Variants in ZNF281 observed in about 807,000 individuals in gnomAD.
ZNF281 encodes the protein zinc finger protein 281.
A neutral mutation model predicts 58.8 loss-of-function variants in ZNF281; 2 were observed. That is an observed-to-expected ratio of 0.03 (90% CI 0.01 to 0.11). The LOEUF is 0.11. ZNF281 is among the 10% of genes least tolerant of loss of function. ZNF281 has a pLI of 1.00. For synonymous variants in ZNF281, 465 were observed against 407.7 expected (o/e 1.14, Z -1.69); for missense variants, 975 against 1,090.7 (o/e 0.89, Z 1.49).
At position 200,409,442 on chromosome 1, in the gene ZNF281, A is replaced by C. The variant is rs1654552355; in HGVS notation, c.264T>G (p.Ala88=). ...LSSSTSAAPA[A]EPPPPPAPDM... ...CCGGGGCTGGCGGAGGGGGGGGCTC[A>C]GCGGCCGGGGCTGCGGAGGTAGAGG... The change falls in exon 2 of 2, where the codon GCT becomes GCG. Residue 88 remains alanine, a synonymous_variant. Coordinates refer to ENST00000367353, the MANE Select transcript of ZNF281 (RefSeq NM_001281293.2). The C allele has an allele frequency of 1.2e-5, 18 of 1,523,964 alleles. No individual in the cohort carries two copies. Among genetic ancestry groups the C allele is most frequent in the Non-Finnish European group, 1.6e-5 (18 of 1,132,364 alleles). 94.4% of individuals were successfully genotyped at this position (1,523,964 alleles called of 1,614,324 possible).
Position 200,409,270 on chromosome 1 carries a change from G to A in ZNF281, c.436C>T (p.His146Tyr). ...GCGAACAGCCCCCCATAGTGGTGGT[G>A]GTGATGGTGGTGGTGGGACTGCTGC... ...EEQQSHHHHH[H>Y]HHYGGLFAGA... The change falls in exon 2 of 2, where the codon CAC becomes TAC. Residue 146 changes from histidine (H) to tyrosine (Y), a missense_variant. Around this residue, in one of 3 missense-constraint regions of ZNF281, gnomAD observed 370 missense variants for 360.9 expected, o/e 1.03. Transcript: ENST00000367353. The A allele has an allele frequency of 1.2e-6, 2 of 1,613,244 alleles. No individual in the cohort carries two copies. Among genetic ancestry groups the A allele is most frequent in the Non-Finnish European group, 1.7e-6 (2 of 1,179,702 alleles).
Position 200,409,027 on chromosome 1 carries a change from C to G in ZNF281, c.679G>C (p.Glu227Gln), listed in dbSNP as rs748750461. 9.9e-6 allele frequency: 16 copies of G among 1,614,228 alleles called. No individual in the cohort carries two copies. The Admixed American group carries it at 2.7e-4, about 27-fold the overall frequency. Residue 227 changes from glutamate to glutamine, a missense_variant, in exon 2 of 2, where the codon GAA becomes CAA. Transcript: ENST00000367353. ...NVKKAKRPKP[E>Q]SQGIKAKRKP... ...CTCTTGGCTTTGATTCCCTGAGATT[C>G]TGGCTTTGGCCTTTTTGCCTTTTTG... is the stretch of plus-strand genomic sequence containing the variant.
intron 1 of ZNF281, 55 bp from the exon 2 acceptor site, chr1:200,409,778 C>T (rs1012462082): frequency 1.1e-5 from 16 of 1,516,520 alleles, no homozygotes; most frequent in Non-Finnish European, 1.2e-5. Flanking sequence ...GAACCGGGCC[C>T]CGGGCCGGGA....
rs2102480555 is a variant in ZNF281, at chr1:200,405,033, A to G, written c.*1985T>C. 1 of 152,760 alleles carries G rather than the reference A, an allele frequency of 6.5e-6. No homozygotes were observed. The highest frequency in any genetic ancestry group is 3.4e-3 in the Middle Eastern group (1 of 294). 9.5% of individuals were successfully genotyped at this position (152,760 alleles called of 1,614,324 possible). On this transcript the variant is annotated 3_prime_UTR_variant, in exon 2 of 2. Coordinates refer to ENST00000367353, the MANE Select transcript of ZNF281 (RefSeq NM_001281293.2). ...ATATGCAGTATTCAGTACACACAAT[A>G]AAAGTTAAAGAAATTCAAAACCTGT...
rs926817624 is a variant in ZNF281, at chr1:200,406,708, GTTTT to G, written c.*306_*309del. 56 of 195,080 alleles carry G rather than the reference GTTTT, an allele frequency of 2.9e-4. No individual in the cohort carries two copies. Among genetic ancestry groups the G allele is most frequent in the South Asian group, 1.6e-3 (9 of 5,560 alleles). The allele number at this position is 195,080 out of a possible 1,614,324, so 12.1% of individuals were successfully genotyped here. A position where few individuals can be genotyped will look rare whatever the true frequency, so the allele number is the denominator to read the frequency against. ...TTTTTTTGTAGGTTTTTTTTTTTTG[GTTTT>G]TTTTTGTCTTTTTTTTTGCGTTTAA... On this transcript the variant is annotated 3_prime_UTR_variant, in exon 2 of 2. Coordinates refer to ENST00000367353, the MANE Select transcript of ZNF281 (RefSeq NM_001281293.2).
rs776820169 is a variant in ZNF281 at position 200,407,540 on chromosome 1, T to C, written c.2166A>G (p.Gln722=). 1.2e-5 allele frequency: 20 copies of C among 1,614,140 alleles called. No homozygotes were observed. The highest frequency in any genetic ancestry group is 3.3e-4 in the Middle Eastern group (2 of 6,062). ...TTSPLECGFG[Q]SVTSVLPSSL... ...AAGATGGCAACACTGAGGTAACAGA[T>C]TGGCCGAAACCACACTCCAAAGGAG... is the stretch of plus-strand genomic sequence containing the variant. The change falls in exon 2 of 2, where the codon CAA becomes CAG. Residue 722 remains glutamine, a synonymous_variant. Transcript: ENST00000367353.
rs1654463725 is a variant in ZNF281 at position 200,406,840 on chromosome 1, AATC to A, written c.*175_*177del. 3.7e-6 allele frequency: 2 copies of A among 537,502 alleles called. No homozygotes were observed. Among genetic ancestry groups the A allele is most frequent in the East Asian group, 3.1e-5 (1 of 31,940 alleles). 33.3% of individuals were successfully genotyped at this position (537,502 alleles called of 1,614,324 possible). A position where few individuals can be genotyped will look rare whatever the true frequency, so the allele number is the denominator to read the frequency against. Reference sequence around the variant, plus strand: ...TTTTAATCTATTGATTTTGATTAAAAATCATAATACAAACAGAGCTAAAATCAC... The same window carrying A: ...TTTTAATCTATTGATTTTGATTAAAAATAATACAAACAGAGCTAAAATCAC... On this transcript the variant is annotated 3_prime_UTR_variant, in exon 2 of 2. Coordinates refer to ENST00000367353, the MANE Select transcript of ZNF281 (RefSeq NM_001281293.2).
chr1:200,409,481 T>C lies in ZNF281; in HGVS notation c.225A>G (p.Gln75=), dbSNP rs1654554669. The change falls in exon 2 of 2, where the codon CAA becomes CAG. Residue 75 remains glutamine, a synonymous_variant. Coordinates refer to ENST00000367353, the MANE Select transcript of ZNF281 (RefSeq NM_001281293.2). ...CGGAGGTAGAGGAGGATAACACGCA[T>C]TGCGGGGGAGGGGCGGCCGACCCCG... ...RPAGSAAPPP[Q]CVLSSSTSAA... 3.9e-6 allele frequency: 6 copies of C among 1,547,244 alleles called. No homozygotes were observed. The highest frequency in any genetic ancestry group is 2.7e-5 in the African/African-American group (2 of 72,932).
At position 200,407,255 on chromosome 1, in the gene ZNF281, C is replaced by G. The variant is rs1225670263; in HGVS notation, c.2451G>C (p.Gln817His). The G allele has an allele frequency of 1.9e-6, 3 of 1,614,214 alleles. No individual in the cohort carries two copies. Among genetic ancestry groups the G allele is most frequent in the South Asian group, 1.1e-5 (1 of 91,088 alleles). Reference sequence around the variant, plus strand: ...ACGTTGTTCTAGGCTCTATGTCTTTCTGAGGATCTATCTGGCTAGCTAACT... The same window carrying G: ...ACGTTGTTCTAGGCTCTATGTCTTTGTGAGGATCTATCTGGCTAGCTAACT... ...SQELASQIDP[Q>H]KDIEPRTTYQ... Residue 817 changes from glutamine to histidine, a missense_variant, in exon 2 of 2, where the codon CAG becomes CAC. By Grantham distance (24) the Gln-to-His change is conservative. Coordinates refer to ENST00000367353, the MANE Select transcript of ZNF281 (RefSeq NM_001281293.2).
At position 200,405,902 on chromosome 1, in the gene ZNF281, C is replaced by T. The variant is rs1654437223; in HGVS notation, c.*1116G>A. On this transcript the variant is annotated 3_prime_UTR_variant, in exon 2 of 2. Coordinates refer to ENST00000367353, the MANE Select transcript of ZNF281 (RefSeq NM_001281293.2). Reference sequence around the variant, plus strand: ...AAAGGTGGGTTTTGGGGATGTTTACCCTATTGTTTTTTATTTGGATGCCCT... The same window carrying T: ...AAAGGTGGGTTTTGGGGATGTTTACTCTATTGTTTTTTATTTGGATGCCCT... The T allele has an allele frequency of 6.6e-6, 1 of 150,496 alleles. No individual in the cohort carries two copies. Among genetic ancestry groups the T allele is most frequent in the African/African-American group, 2.4e-5 (1 of 40,834 alleles). The allele number at this position is 150,496 out of a possible 1,614,324, so 9.3% of individuals were successfully genotyped here. A position where few individuals can be genotyped will look rare whatever the true frequency, so the allele number is the denominator to read the frequency against.
At position 200,407,468 on chromosome 1, in the gene ZNF281, A is replaced by G. The variant is rs1654483729; in HGVS notation, c.2238T>C (p.Gly746=). ...TAGCATCCAAAGCAGACAAATAAAG[A>G]CCTGGCTGAGATCCAAACAACATCC... ...PFGMLFGSQP[G]LYLSALDATH... The change falls in exon 2 of 2, where the codon GGT becomes GGC. Residue 746 remains glycine, a synonymous_variant. Coordinates refer to ENST00000367353, the MANE Select transcript of ZNF281 (RefSeq NM_001281293.2). 2 of 1,614,184 alleles carry G rather than the reference A, an allele frequency of 1.2e-6. No individual in the cohort carries two copies. The highest frequency in any genetic ancestry group is 1.7e-5 in the Admixed American group (1 of 60,032).
At position 200,406,447 on chromosome 1, in the gene ZNF281, A is replaced by C. The variant is rs1654451878; in HGVS notation, c.*571T>G. The C allele has an allele frequency of 6.5e-6, 1 of 152,710 alleles. No individual in the cohort carries two copies. The highest frequency in any genetic ancestry group is 1.5e-5 in the Non-Finnish European group (1 of 68,078). 9.5% of individuals were successfully genotyped at this position (152,710 alleles called of 1,614,324 possible). A position where few individuals can be genotyped will look rare whatever the true frequency, so the allele number is the denominator to read the frequency against. Reference sequence around the variant, plus strand: ...CAATCTCAGAATTTTGGATCAGCCCAGATGGAGATAGCAATTTGAAATGTC... The same window carrying C: ...CAATCTCAGAATTTTGGATCAGCCCCGATGGAGATAGCAATTTGAAATGTC... On this transcript the variant is annotated 3_prime_UTR_variant, in exon 2 of 2. Coordinates refer to ENST00000367353, the MANE Select transcript of ZNF281 (RefSeq NM_001281293.2).
Position 200,405,578 on chromosome 1 carries a change from T to C in ZNF281, c.*1440A>G, listed in dbSNP as rs1002330481. The stretch of plus-strand genomic sequence containing the variant: ...ATAATCAGGAAAAAAATACAATTGC[T>C]AAAAAGCAGTTTTAGAGTAGAGCCA... On this transcript the variant is annotated 3_prime_UTR_variant, in exon 2 of 2. Coordinates refer to ENST00000367353, the MANE Select transcript of ZNF281 (RefSeq NM_001281293.2). The C allele has an allele frequency of 1.3e-5, 2 of 152,178 alleles. No individual in the cohort carries two copies. The highest frequency in any genetic ancestry group is 1.3e-4 in the Admixed American group (2 of 15,282). The allele number at this position is 152,178 out of a possible 1,614,324, so 9.4% of individuals were successfully genotyped here.
Position 200,409,355 on chromosome 1 carries a change from G to A in ZNF281, c.351C>T (p.Ser117=). 6.5e-7 allele frequency: 1 copy of A among 1,550,134 alleles called. No homozygotes were observed. The highest frequency in any genetic ancestry group is 8.7e-7 in the Non-Finnish European group (1 of 1,146,044). Residue 117 remains serine, a synonymous_variant, in exon 2 of 2, where the codon TCC becomes TCT. Transcript: ENST00000367353. ...TAACCAAAGACTGCAAGAACCCCCA[G>A]GAGGTCCTCTGCGAGGGGAAGGCCG... ...SAAAFPSQRT[S]WGFLQSLVSI...
rs534302212 is a variant in ZNF281 at position 200,406,964 on chromosome 1, C to A, written c.*54G>T. 258 of 1,518,204 alleles carry A rather than the reference C, an allele frequency of 1.7e-4. 2 individuals carry two copies. In the East Asian group the frequency reaches 5.4e-3, roughly 32 times the overall value. The allele number at this position is 1,518,204 out of a possible 1,614,324, so 94.0% of individuals were successfully genotyped here. A position where few individuals can be genotyped will look rare whatever the true frequency, so the allele number is the denominator to read the frequency against. ...AGAAACATTCCAATGGCAGTGTTCT[C>A]AAAATAAAACAAAATTACATTAGAA... On this transcript the variant is annotated 3_prime_UTR_variant, in exon 2 of 2. Coordinates refer to ENST00000367353, the MANE Select transcript of ZNF281 (RefSeq NM_001281293.2).
At chr1:200,409,817 C>T in intron 1 of ZNF281, 94 bp from the exon 2 acceptor site, 1 of 1,439,166 alleles carries the variant, frequency 6.9e-7, no homozygotes. Flanking sequence ...CCCCGCCGCG[C>T]CGCCGCCCAG....
Position 200,407,653 on chromosome 1 carries a change from T to A in ZNF281, c.2053A>T (p.Thr685Ser). The A allele has an allele frequency of 6.2e-7, 1 of 1,614,164 alleles. No individual in the cohort carries two copies. The part of the protein sequence containing the change: ...AFEKSTNASF[T>S]LGHGFQFVSL... Reference sequence around the variant, plus strand: ...ACAAATTGGAAACCGTGTCCAAGAGTAAAACTTGCATTAGTGGATTTTTCA... The same window carrying A: ...ACAAATTGGAAACCGTGTCCAAGAGAAAAACTTGCATTAGTGGATTTTTCA... Residue 685 changes from threonine to serine, a missense_variant, in exon 2 of 2, where the codon ACT (threonine) becomes TCT (serine). Around this residue, in one of 3 missense-constraint regions of ZNF281, gnomAD observed 579 missense variants for 608.9 expected, o/e 0.95. Coordinates refer to ENST00000367353, the MANE Select transcript of ZNF281 (RefSeq NM_001281293.2).
Position 200,409,323 on chromosome 1 carries a change from T to C in ZNF281, c.383A>G (p.Lys128Arg). 1 of 1,586,714 alleles carries C rather than the reference T, an allele frequency of 6.3e-7. No homozygotes were observed. The highest frequency in any genetic ancestry group is 8.6e-7 in the Non-Finnish European group (1 of 1,165,702). The change falls in exon 2 of 2, where the codon AAA (lysine) becomes AGA (arginine). Residue 128 changes from lysine (K) to arginine (R), a missense_variant. Lys to Arg is a conservative substitution (Grantham distance 26). Around this residue, in one of 3 missense-constraint regions of ZNF281, gnomAD observed 370 missense variants for 360.9 expected, o/e 1.03. Transcript: ENST00000367353. ...WGFLQSLVSI[K>R]QEKPADPEEQ... ...CTCAGGATCCGCGGGTTTCTCCTGT[T>C]TGATGCTAACCAAAGACTGCAAGAA...
chr1:200,408,533 C>G lies in ZNF281; in HGVS notation c.1173G>C (p.Leu391=). Residue 391 remains leucine, a synonymous_variant, in exon 2 of 2, where the codon CTG becomes CTC. Transcript: ENST00000367353. ...GSSNHTNMGN[L]AVLSQGNTSS... The stretch of plus-strand genomic sequence containing the variant: ...TTGTATTTCCCTGAGACAACACAGC[C>G]AGATTACCCATATTGGTATGGTTTG... 2.5e-6 allele frequency: 4 copies of G among 1,614,206 alleles called. No homozygotes were observed. The highest frequency in any genetic ancestry group is 3.4e-6 in the Non-Finnish European group (4 of 1,180,056).
Sources: allele counts gnomAD v4.1 joint callset, GRCh38; gene constraint gnomAD v4.1.1; regional missense constraint gnomAD v4.1.1; transcripts MANE v1.5; gene names NCBI Gene and HGNC (gene_info 2026-07-23, HGNC 2026-07-21).